PTPRR: variants seen among roughly 807,000 people sequenced by gnomAD.
PTPRR encodes the protein protein tyrosine phosphatase receptor type R.
PTPRR carries 38 observed loss-of-function variants against 77.2 expected under a neutral mutation model. That is an observed-to-expected ratio of 0.49 (90% CI 0.38 to 0.65). The LOEUF (loss-of-function observed/expected upper bound fraction) is 0.65. Ranked by LOEUF, PTPRR falls within the 30% of genes least tolerant of loss-of-function variation. The pLI, the probability that PTPRR is intolerant of heterozygous loss-of-function variation, is 0.00. For missense variants in PTPRR, 744 were observed against 799.2 expected (o/e 0.93, Z 0.83); for synonymous variants, 299 against 283.1 (o/e 1.06, Z -0.57).
intron 2 of PTPRR, among the ~76,000 whole-genome samples, chr12:70,766,762 G>A (rs527721822): frequency 6.6e-6 from 1 of 152,072 alleles, no homozygotes; most frequent in Non-Finnish European, 1.5e-5. Flanking sequence ...GGCAGCCAGA[G>A]AGAAAGGTCG....
At chr12:70,789,339 C>T (rs1891385060) in intron 2 of PTPRR, among the ~76,000 whole-genome samples, 1 of 152,014 alleles carries the variant, frequency 6.6e-6, no homozygotes, top group South Asian at 2.1e-4. Context: ...CAAAGTTCCA[C>T]TATTTCCACC....
intron 2 of PTPRR, among the ~76,000 whole-genome samples, chr12:70,852,542 C>G (rs987789691): frequency 2.6e-5 from 4 of 152,138 alleles, no homozygotes; most frequent in Admixed American, 2.0e-4. Flanking sequence ...AATCGAATCC[C>G]TTCTCAGGAG....
At chr12:70,794,224 C>G (rs1891470667) in intron 2 of PTPRR, among the ~76,000 whole-genome samples, 1 of 152,158 alleles carries the variant, frequency 6.6e-6, no homozygotes, top group Non-Finnish European at 1.5e-5. Flanking sequence ...GTGTTTGTTG[C>G]TTAACTCAGT....
rs556404868 is a variant in PTPRR at position 70,658,893 on chromosome 12, T to G, written c.1766+2047A>C. Among the ~76,000 whole-genome samples, 504 of 133,422 alleles carry G rather than the reference T, an allele frequency of 3.8e-3. 2 individuals are homozygous for G. The highest frequency in any genetic ancestry group is 0.014 in the African/African-American group (481 of 35,372). The allele number at this position is 133,422 out of a possible 152,430, so 87.5% of individuals were successfully genotyped here. ...GGGACTTTTGCTCTAGTTTTTTTTT[T>G]TTTTTTTTTTTTTTTTTTTTTTATA... On this transcript the variant is annotated intron_variant, in intron 12 of 13. Coordinates refer to ENST00000283228, the MANE Select transcript of PTPRR (RefSeq NM_002849.4).
chr12:70,666,630 A>G (rs1887005708), intron 10 of PTPRR, among the ~76,000 whole-genome samples: 1 of 152,206 alleles, frequency 6.6e-6, no homozygotes, highest in African/African-American at 2.4e-5. Context: ...CAGGTGAGAC[A>G]ATGACAGAAA....
intron 13 of PTPRR, among the ~76,000 whole-genome samples, chr12:70,655,422 T>G (rs1354753724): frequency 6.6e-6 from 1 of 152,158 alleles, no homozygotes; most frequent in Non-Finnish European, 1.5e-5. Context: ...GAAAACAGGG[T>G]CTTGAACAGA....
At chr12:70,677,831 T>G (rs1887503581) in intron 10 of PTPRR, among the ~76,000 whole-genome samples, 1 of 152,178 alleles carries the variant, frequency 6.6e-6, no homozygotes, top group South Asian at 2.1e-4. Flanking sequence ...TTATGAGCAT[T>G]TTTGCATGTA....
chr12:70,783,980 G>A (rs921924268), intron 2 of PTPRR, among the ~76,000 whole-genome samples: 5 of 152,054 alleles, frequency 3.3e-5, no homozygotes, highest in African/African-American at 1.2e-4. Context: ...AGATTAGAGC[G>A]GGTGCCCGGA....
chr12:70,663,968 T>C (rs1354341773), intron 10 of PTPRR, among the ~76,000 whole-genome samples: 2 of 152,276 alleles, frequency 1.3e-5, no homozygotes, highest in African/African-American at 4.8e-5. Flanking sequence ...GAAGGAAAAG[T>C]GACACAAAGT....
chr12:70,866,405 T>C (rs1422096470), intron 2 of PTPRR, among the ~76,000 whole-genome samples: 2,152 of 151,724 alleles, frequency 0.014, 55 homozygotes, highest in African/African-American at 0.049. Flanking sequence ...TACAAACACC[T>C]CTATGCAAAT....
chr12:70,702,680 G>C (rs1355587571), intron 6 of PTPRR, among the ~76,000 whole-genome samples: 1 of 152,130 alleles, frequency 6.6e-6, no homozygotes, highest in East Asian at 1.9e-4. Context: ...TCTATAATTT[G>C]ATATGTAATG....
At chr12:70,812,391 A>G (rs1360601369) in intron 2 of PTPRR, among the ~76,000 whole-genome samples, 2 of 152,214 alleles carry the variant, frequency 1.3e-5, no homozygotes, top group Non-Finnish European at 2.9e-5. Context: ...TTCATGAAAC[A>G]TTAACACTGA....
chr12:70,695,146 C>T (rs1487358395), intron 8 of PTPRR, among the ~76,000 whole-genome samples: 1 of 152,052 alleles, frequency 6.6e-6, no homozygotes, highest in Non-Finnish European at 1.5e-5. Context: ...ATATCTGTTG[C>T]AAGGCATTCT....
At chr12:70,692,722 G>A (rs1888097114) in intron 8 of PTPRR, among the ~76,000 whole-genome samples, 1 of 152,062 alleles carries the variant, frequency 6.6e-6, no homozygotes, top group South Asian at 2.1e-4. Context: ...ATTACTCAGG[G>A]CTCAATTCAG....
rs1244497170 is a variant in PTPRR, at chr12:70,698,208, T to C, written c.1279+57A>G. On this transcript the variant is annotated intron_variant, in intron 8 of 13. Transcript: ENST00000283228. ...CATCTACATTAGGTATTTCTCCTAA[T>C]GGCTATCCCTCCCCTTGCCCCCCAT... is the stretch of plus-strand genomic sequence containing the variant. 7.5e-6 allele frequency: 11 copies of C among 1,460,070 alleles called. No individual in the cohort carries two copies. The African/African-American group carries it at 8.4e-5, about 11-fold the overall frequency. 90.4% of individuals were successfully genotyped at this position (1,460,070 alleles called of 1,614,324 possible). A position where few individuals can be genotyped will look rare whatever the true frequency, so the allele number is the denominator to read the frequency against.
chr12:70,826,647 C>T (rs1156714897), intron 2 of PTPRR, among the ~76,000 whole-genome samples: 2 of 152,168 alleles, frequency 1.3e-5, no homozygotes, highest in African/African-American at 4.8e-5. Flanking sequence ...AATCCATGTG[C>T]TTTGATTTTT....
At chr12:70,643,272 G>T (rs1390860289) in intron 13 of PTPRR, among the ~76,000 whole-genome samples, 1 of 151,826 alleles carries the variant, frequency 6.6e-6, no homozygotes, top group Admixed American at 6.6e-5. Context: ...TAGCTGGGAT[G>T]ACAGGTGCAT....
chr12:70,649,483 C>T (rs1033409313), intron 13 of PTPRR, among the ~76,000 whole-genome samples: 5 of 152,122 alleles, frequency 3.3e-5, no homozygotes, highest in Admixed American at 6.6e-5. Flanking sequence ...CGTATTCTGC[C>T]GAATACAAAA....
chr12:70,786,582 G>A (rs1437955504), intron 2 of PTPRR, among the ~76,000 whole-genome samples: 2 of 152,014 alleles, frequency 1.3e-5, no homozygotes, highest in African/African-American at 2.4e-5. Context: ...GCTCTGAAGG[G>A]GCACAGAGAC....
Sources: allele counts gnomAD v4.1 joint callset (sites outside exome capture counted in the v4.1 genomes callset), GRCh38; gene constraint gnomAD v4.1.1; transcripts MANE v1.5; gene names NCBI Gene and HGNC (gene_info 2026-07-23, HGNC 2026-07-21).